The following PRPF39 variants were observed in gnomAD, a reference collection of about 807,000 sequenced individuals.
The protein encoded by PRPF39 is pre-mRNA processing factor 39.
PRPF39 carries 27 observed loss-of-function variants against 82.1 expected under a neutral mutation model. That is an observed-to-expected ratio of 0.33 (90% CI 0.24 to 0.45). The LOEUF (loss-of-function observed/expected upper bound fraction) is 0.45, where lower values mean the gene tolerates loss of function less well. Ranked by LOEUF, PRPF39 falls within the 20% of genes least tolerant of loss-of-function variation. PRPF39 has a pLI of 1.00. For synonymous variants in PRPF39, 261 were observed against 256.4 expected (o/e 1.02, Z -0.17); for missense variants, 581 against 796.9 (o/e 0.73, Z 3.26).
chr14:45,095,245 A>G lies in PRPF39; in HGVS notation c.6A>G (p.Gln2=), dbSNP rs150599095. The change falls in exon 2 of 14, where the codon CAA becomes CAG. Residue 2 remains glutamine, a synonymous_variant. Coordinates refer to ENST00000355765, the MANE Select transcript of PRPF39 (RefSeq NM_017922.4). M[Q]NSHMDEYRNS... ...GATCGTTAACTGAAGACAATATGCA[A>G]AATTCTCACATGGATGAATACAGAA... is the stretch of plus-strand genomic sequence containing the variant. The G allele has an allele frequency of 4.0e-5, 64 of 1,583,568 alleles. No homozygotes were observed. In the East Asian group the frequency reaches 1.4e-3, roughly 33 times the overall value.
intron 1 of PRPF39, among the ~76,000 whole-genome samples, chr14:45,093,734 T>TACCAA (rs1280704853): frequency 0.019 from 2,860 of 151,850 alleles, 91 homozygotes; most frequent in African/African-American, 0.066. Context: ...TTGGTATTTT[T>TACCAA]AGTAGAGACA....
At position 45,112,515 on chromosome 14, in the gene PRPF39, T is replaced by G; in HGVS notation, c.1757+13T>G. On this transcript the variant is annotated intron_variant, in intron 11 of 13. Coordinates refer to ENST00000355765, the MANE Select transcript of PRPF39 (RefSeq NM_017922.4). Reference sequence around the variant, plus strand: ...CCGATGTTAATAAGTAAGATATTAGTTATATTACCTATTTGAATGATAAAT... The same window carrying G: ...CCGATGTTAATAAGTAAGATATTAGGTATATTACCTATTTGAATGATAAAT... The G allele has an allele frequency of 6.9e-7, 1 of 1,452,858 alleles. No homozygotes were observed. The highest frequency in any genetic ancestry group is 9.0e-7 in the Non-Finnish European group (1 of 1,106,836). The allele number at this position is 1,452,858 out of a possible 1,614,324, so 90.0% of individuals were successfully genotyped here.
At chr14:45,094,908 A>T (rs912610538) in intron 1 of PRPF39, among the ~76,000 whole-genome samples, 3 of 152,246 alleles carry the variant, frequency 2.0e-5, no homozygotes, top group African/African-American at 7.2e-5. Flanking sequence ...AATAAGAAAC[A>T]TTGAATTTTA....
chr14:45,109,626 C>G lies in PRPF39; in HGVS notation c.1022C>G (p.Pro341Arg). ...ACAATTTCATTTCAGATTAAAAGACCTTACTTTCATGTGAAACCTTTGGAA... is the reference window on the plus strand; with the variant it reads ...ACAATTTCATTTCAGATTAAAAGACGTTACTTTCATGTGAAACCTTTGGAA... ...RWTFEEGIKRPYFHVKPLEKA... is the reference protein window; with the variant it reads ...RWTFEEGIKRRYFHVKPLEKA... The change falls in exon 8 of 14, where the codon CCT (proline) becomes CGT (arginine). Residue 341 changes from proline (P) to arginine (R), a missense_variant. Transcript: ENST00000355765. The G allele has an allele frequency of 6.2e-7, 1 of 1,601,882 alleles. No homozygotes were observed. The highest frequency in any genetic ancestry group is 8.5e-7 in the Non-Finnish European group (1 of 1,174,172).
rs1351667794 is a variant in PRPF39, at chr14:45,114,843, CT to C, written c.1954-9del. ...CAGTTCTAATATGCTAACATACTTA[CT>C]TTTTCCTTTCAGTACAATTATCAGA... On this transcript the variant is annotated splice_polypyrimidine_tract_variant and intron_variant, in intron 13 of 13. Transcript: ENST00000355765. 1 of 1,581,166 alleles carries C rather than the reference CT, an allele frequency of 6.3e-7. No homozygotes were observed. Among genetic ancestry groups the C allele is most frequent in the African/African-American group, 1.3e-5 (1 of 74,196 alleles).
chr14:45,103,871 T>C (rs1406253039), intron 5 of PRPF39, among the ~76,000 whole-genome samples: 1 of 152,054 alleles, frequency 6.6e-6, no homozygotes, highest in Non-Finnish European at 1.5e-5. Context: ...ATAGGAAAAA[T>C]CTATGACTAC....
intron 1 of PRPF39, among the ~76,000 whole-genome samples, chr14:45,092,713 C>G (rs1157417970): frequency 2.0e-5 from 3 of 149,290 alleles, no homozygotes; most frequent in Admixed American, 6.7e-5. Flanking sequence ...TTCTGTTTTT[C>G]TGAATTATTT....
chr14:45,114,835 C>T, intron 13 of PRPF39, 22 bp from the exon 14 acceptor site: 2 of 1,566,300 alleles, frequency 1.3e-6, no homozygotes, highest in East Asian at 2.2e-5. Flanking sequence ...AATATGCTAA[C>T]ATACTTACTT....
At position 45,116,005 on chromosome 14, in the gene PRPF39, T is replaced by C; in HGVS notation, c.*1092T>C. 3.6e-6 allele frequency: 2 copies of C among 548,564 alleles called. No individual in the cohort carries two copies. The highest frequency in any genetic ancestry group is 2.9e-5 in the East Asian group (1 of 34,780). The allele number at this position is 548,564 out of a possible 1,614,324, so 34.0% of individuals were successfully genotyped here. ...TATTTTACACAGCTGTAGGAAAGTA[T>C]TTTAGACCAGGGATTCATAAGGGAT... On this transcript the variant is annotated 3_prime_UTR_variant, in exon 14 of 14. Coordinates refer to ENST00000355765, the MANE Select transcript of PRPF39 (RefSeq NM_017922.4).
At chr14:45,109,962 C>T in intron 8 of PRPF39, 132 bp from the exon 9 acceptor site, 1 of 1,552,690 alleles carries the variant, frequency 6.4e-7, no homozygotes. Flanking sequence ...TTCGTCCTTC[C>T]TTACAGAAAC....
chr14:45,090,810 T>TA (rs1883997715), intron 1 of PRPF39, among the ~76,000 whole-genome samples: 1 of 152,168 alleles, frequency 6.6e-6, no homozygotes, highest in African/African-American at 2.4e-5. Flanking sequence ...GACCTTATCT[T>TA]ACACTTATAT....
Position 45,107,622 on chromosome 14 carries a change from C to T in PRPF39, c.903+6C>T. 6.5e-7 allele frequency: 1 copy of T among 1,549,992 alleles called. No homozygotes were observed. The highest frequency in any genetic ancestry group is 1.4e-5 in the African/African-American group (1 of 73,084). ...ACATAACCGATCCTGCAAAGGTAAC[C>T]AGTCTTATTCTAAAGTTCGTCAGTG... On this transcript the variant is annotated splice_donor_region_variant and intron_variant, in intron 6 of 13. Transcript: ENST00000355765.
Position 45,110,188 on chromosome 14 carries a change from A to C in PRPF39, c.1271A>C (p.His424Pro), listed in dbSNP as rs1373619566. The C allele has an allele frequency of 6.2e-7, 1 of 1,613,782 alleles. No individual in the cohort carries two copies. Among genetic ancestry groups the C allele is most frequent in the Non-Finnish European group, 8.5e-7 (1 of 1,179,812 alleles). Residue 424 changes from histidine (H) to proline (P), a missense_variant, in exon 9 of 14, where the codon CAT becomes CCT. Transcript: ENST00000355765. This position sits in a 1 kb window ranked among gnomAD's most constrained non-coding sequence, Gnocchi z 4.0. ...TIHLPKKPMVHMLWAAFEEQQ... is the reference protein window; with the variant it reads ...TIHLPKKPMVPMLWAAFEEQQ... ...CATCTCCCAAAGAAACCCATGGTGC[A>C]TATGCTTTGGGCAGCTTTTGAGGAA...
Position 45,088,689 on chromosome 14 carries a change from G to A in PRPF39, c.-20+4440G>A, listed in dbSNP as rs149188144. 1.3e-3 allele frequency among the ~76,000 whole-genome samples: 204 copies of A among 152,244 alleles called. 1 individual carries two copies. The highest frequency in any genetic ancestry group is 4.2e-3 in the African/African-American group (176 of 41,536). Reference sequence around the variant, plus strand: ...TAACAAAATATTTGCTCAATAAATAGCATATCTTATTATCATTAATAGCTA... The same window carrying A: ...TAACAAAATATTTGCTCAATAAATAACATATCTTATTATCATTAATAGCTA... On this transcript the variant is annotated intron_variant, in intron 1 of 13. Coordinates refer to ENST00000355765, the MANE Select transcript of PRPF39 (RefSeq NM_017922.4).
intron 4 of PRPF39, among the ~76,000 whole-genome samples, chr14:45,101,201 C>T (rs967881316): frequency 1.3e-5 from 2 of 152,102 alleles, no homozygotes; most frequent in African/African-American, 4.8e-5. Context: ...TTTTTGTATT[C>T]TAGATGAATA....
Position 45,114,952 on chromosome 14 carries a change from T to C in PRPF39, c.*39T>C. ...AATTTCAAATGCAGTGTGTGAAAAG[T>C]ATGAAATTATTATTTTTTTTAATGA... On this transcript the variant is annotated 3_prime_UTR_variant, in exon 14 of 14. Coordinates refer to ENST00000355765, the MANE Select transcript of PRPF39 (RefSeq NM_017922.4). The C allele has an allele frequency of 6.7e-7, 1 of 1,491,718 alleles. No individual in the cohort carries two copies. The highest frequency in any genetic ancestry group is 2.3e-5 in the East Asian group (1 of 44,112). 92.4% of individuals were successfully genotyped at this position (1,491,718 alleles called of 1,614,324 possible).
intron 3 of PRPF39, chr14:45,096,620 G>C: frequency 6.8e-7 from 1 of 1,475,664 alleles, no homozygotes; most frequent in Non-Finnish European, 9.0e-7. Context: ...GCTCTAATGG[G>C]TCTGTGCCCT....
At chr14:45,111,391 G>T (rs942830838) in intron 10 of PRPF39, among the ~76,000 whole-genome samples, 3 of 151,962 alleles carry the variant, frequency 2.0e-5, no homozygotes, top group Non-Finnish European at 2.9e-5. Context: ...CTGGAGTGCA[G>T]TGGTGCCATC....
Position 45,110,671 on chromosome 14 carries a change from C to T in PRPF39, c.1426C>T (p.His476Tyr), listed in dbSNP as rs1338120538. The change falls in exon 10 of 14, where the codon CAT becomes TAT. Residue 476 changes from histidine (H) to tyrosine (Y), a missense_variant. His to Tyr is a moderately conservative substitution (Grantham distance 83, BLOSUM62 2). Coordinates refer to ENST00000355765, the MANE Select transcript of PRPF39 (RefSeq NM_017922.4). This position sits in a 1 kb window ranked among gnomAD's most constrained non-coding sequence, Gnocchi z 4.0. ...GCATGGAAATCTGGAAGAAGCTGAACATTTGCTTCAGGATGCCATTAAGAA... is the reference window on the plus strand; with the variant it reads ...GCATGGAAATCTGGAAGAAGCTGAATATTTGCTTCAGGATGCCATTAAGAA... ...RRHGNLEEAE[H>Y]LLQDAIKNAK... 19 of 1,576,320 alleles carry T rather than the reference C, an allele frequency of 1.2e-5. No homozygotes were observed. Among genetic ancestry groups the T allele is most frequent in the Non-Finnish European group, 1.6e-5 (18 of 1,159,648 alleles).
Sources: allele counts gnomAD v4.1 joint callset (sites outside exome capture counted in the v4.1 genomes callset), GRCh38; gene constraint gnomAD v4.1.1; non-coding constraint Gnocchi (gnomAD v3.1); transcripts MANE v1.5; gene names NCBI Gene and HGNC (gene_info 2026-07-23, HGNC 2026-07-21).